The following CHCHD3 variants were observed in gnomAD, a reference collection of about 807,000 sequenced individuals.
The protein encoded by CHCHD3 is MICOS complex subunit MIC19.
A neutral mutation model predicts 38.2 loss-of-function variants in CHCHD3; 20 were observed. The observed-to-expected ratio is 0.52, with a 90% CI of 0.37 to 0.76. The LOEUF is 0.76. Among genes scored for constraint, CHCHD3 ranks in the 30% least tolerant of loss-of-function variants. CHCHD3 has a pLI of 0.00. For synonymous variants in CHCHD3, 82 were observed against 100.0 expected (o/e 0.82, Z 1.07); for missense variants, 245 against 279.2 (o/e 0.88, Z 0.87).
chr7:133,005,310 T>C (rs765037160), intron 3 of CHCHD3, among the ~76,000 whole-genome samples: 1 of 152,186 alleles, frequency 6.6e-6, no homozygotes, highest in Non-Finnish European at 1.5e-5. Flanking sequence ...GTGAAGCGCA[T>C]GTGTCTCTCT....
chr7:133,031,104 C>G (rs757656696), intron 2 of CHCHD3, among the ~76,000 whole-genome samples: 8 of 152,028 alleles, frequency 5.3e-5, no homozygotes, highest in Non-Finnish European at 1.0e-4. Flanking sequence ...TAAGAAAGTC[C>G]AAGATTCCTA....
At chr7:133,042,531 A>G (rs1191850914) in intron 2 of CHCHD3, among the ~76,000 whole-genome samples, 1 of 152,204 alleles carries the variant, frequency 6.6e-6, no homozygotes, top group Non-Finnish European at 1.5e-5. Context: ...CAACTCTGCG[A>G]TGACACAGGG....
chr7:133,009,206 A>C (rs1055008555), intron 3 of CHCHD3, among the ~76,000 whole-genome samples: 1 of 151,738 alleles, frequency 6.6e-6, no homozygotes, highest in African/African-American at 2.4e-5. Context: ...CTATTAAAAA[A>C]CACAGAAATT....
chr7:133,034,508 C>CTTTTTTTTTTT lies in CHCHD3; in HGVS notation c.170-9892_170-9882dup, dbSNP rs146912120. 75 of 285,184 alleles carry CTTTTTTTTTTT rather than the reference C, an allele frequency of 2.6e-4. 6 individuals carry two copies. The highest frequency in any genetic ancestry group is 3.3e-4 in the South Asian group (10 of 30,138). The allele number at this position is 285,184 out of a possible 1,614,324, so 17.7% of individuals were successfully genotyped here. A position where few individuals can be genotyped will look rare whatever the true frequency, so the allele number is the denominator to read the frequency against. On this transcript the variant is annotated intron_variant, in intron 2 of 7. Coordinates refer to ENST00000262570, the MANE Select transcript of CHCHD3 (RefSeq NM_017812.4). Reference sequence around the variant, plus strand: ...AGTCCTTTCAGCAATTGGATCCAGTCTTTTTTTTTTTTTTTTTTTTTTCAA... The same window carrying CTTTTTTTTTTT: ...AGTCCTTTCAGCAATTGGATCCAGTCTTTTTTTTTTTTTTTTTTTTTTTTTTTTTTTTTCAA...
intron 4 of CHCHD3, among the ~76,000 whole-genome samples, chr7:132,898,866 G>C (rs944238895): frequency 1.3e-5 from 2 of 152,238 alleles, no homozygotes; most frequent in Non-Finnish European, 2.9e-5. Flanking sequence ...GCCCCTCATT[G>C]CCCGGGGCCG....
chr7:132,849,071 C>G (rs1434700206), intron 5 of CHCHD3: 1 of 152,180 alleles, frequency 6.6e-6, no homozygotes, highest in Admixed American at 6.6e-5. Flanking sequence ...TTTTTAACAT[C>G]TAAAATGAGG....
At chr7:132,850,281 T>A (rs1179495060) in intron 5 of CHCHD3, among the ~76,000 whole-genome samples, 1 of 152,178 alleles carries the variant, frequency 6.6e-6, no homozygotes, top group Non-Finnish European at 1.5e-5. Flanking sequence ...CATTATCTCC[T>A]GGGTGGCTTG....
intron 4 of CHCHD3, among the ~76,000 whole-genome samples, chr7:132,965,321 T>C (rs986132258): frequency 2.6e-5 from 4 of 152,172 alleles, no homozygotes; most frequent in African/African-American, 4.8e-5. Flanking sequence ...CCTGGCTCTA[T>C]CTCTGTGCAA....
intron 4 of CHCHD3, among the ~76,000 whole-genome samples, chr7:132,913,689 T>C (rs1389143137): frequency 6.6e-6 from 1 of 152,202 alleles, no homozygotes; most frequent in African/African-American, 2.4e-5. Context: ...GTGTGGAGAA[T>C]GAATGATAGC....
intron 7 of CHCHD3, among the ~76,000 whole-genome samples, chr7:132,789,976 G>A (rs1806418120): frequency 2.0e-5 from 3 of 152,204 alleles, no homozygotes; most frequent in Admixed American, 2.0e-4. Flanking sequence ...CTGTGCATAA[G>A]ACAGGAAGGA....
chr7:132,815,439 A>G (rs530775866), intron 6 of CHCHD3: 1 of 381,534 alleles, frequency 2.6e-6, no homozygotes, highest in Non-Finnish European at 5.1e-6. Context: ...GACTGCACAT[A>G]AAGGACATTT....
rs75879130 is a variant in CHCHD3 at position 133,052,962 on chromosome 7, C to G, written c.169+17180G>C. ...CTAACAACAATATTTCATCTGTACT[C>G]ATTCTTTCTTTGGGAAAATGCATTC... On this transcript the variant is annotated intron_variant, in intron 2 of 7. Transcript: ENST00000262570. Among the ~76,000 whole-genome samples, 246 of 152,324 alleles carry G rather than the reference C, an allele frequency of 1.6e-3. 4 individuals carry two copies. The East Asian group carries it at 0.042, about 26-fold the overall frequency.
intron 4 of CHCHD3, among the ~76,000 whole-genome samples, chr7:132,939,105 T>C (rs1216434925): frequency 6.6e-6 from 1 of 152,224 alleles, no homozygotes; most frequent in Admixed American, 6.5e-5. Flanking sequence ...CGGTCAACGA[T>C]GGAGCACATG....
intron 4 of CHCHD3, among the ~76,000 whole-genome samples, chr7:132,895,340 G>A (rs1189669835): frequency 1.2e-4 from 19 of 152,210 alleles, no homozygotes; most frequent in Admixed American, 1.2e-3. Context: ...CTTACATACT[G>A]TAGAATGTTT....
At chr7:133,047,844 T>C (rs1814038338) in intron 2 of CHCHD3, among the ~76,000 whole-genome samples, 1 of 151,978 alleles carries the variant, frequency 6.6e-6, no homozygotes. Context: ...TCCCAGCACT[T>C]TGGGAGGCGG....
chr7:132,880,050 G>A (rs1020906082), intron 5 of CHCHD3, among the ~76,000 whole-genome samples: 2 of 152,070 alleles, frequency 1.3e-5, no homozygotes, highest in Non-Finnish European at 2.9e-5. Context: ...AGGTTATGAG[G>A]TAGCATTAAT....
chr7:133,003,228 G>T (rs34941712), intron 3 of CHCHD3, among the ~76,000 whole-genome samples: 10,215 of 128,190 alleles, frequency 0.08, 811 homozygotes, highest in East Asian at 0.23. Context: ...AGCAGAATGT[G>T]AAACTCCCAC....
chr7:133,071,396 G>A (rs1814815465), intron 1 of CHCHD3, among the ~76,000 whole-genome samples: 1 of 152,224 alleles, frequency 6.6e-6, no homozygotes, highest in Admixed American at 6.5e-5. Flanking sequence ...GGAAGGTAGA[G>A]ATTCCAAATT....
rs6973094 is a variant in CHCHD3, at chr7:133,073,132, T to C, written c.82-2903A>G. On this transcript the variant is annotated intron_variant, in intron 1 of 7. Coordinates refer to ENST00000262570, the MANE Select transcript of CHCHD3 (RefSeq NM_017812.4). The stretch of plus-strand genomic sequence containing the variant: ...ATATTTATAAAATGCCTTATTTATA[T>C]GGCTTCCCTTTAGCATCTAACACCT... Among the ~76,000 whole-genome samples the C allele has an allele frequency of 4.2e-3, 635 of 152,282 alleles. 12 individuals carry two copies. Among genetic ancestry groups the C allele is most frequent in the Non-Finnish European group, 3.0e-3 (207 of 68,026 alleles).
Sources: gnomAD v4.1 joint callset for allele counts (sites outside exome capture counted in the v4.1 genomes callset) on GRCh38, gnomAD v4.1.1 for gene constraint, MANE v1.5 for transcripts, NCBI Gene and HGNC (gene_info 2026-07-23, HGNC 2026-07-21) for gene names.